The following GFI1 variants were observed in gnomAD, a reference collection of about 807,000 sequenced individuals.
GFI1 encodes zinc finger protein Gfi-1.
In GFI1, 15 loss-of-function variants were observed where a neutral mutation model predicts 39.2. That is an observed-to-expected ratio of 0.38 (90% CI 0.26 to 0.59). The LOEUF (loss-of-function observed/expected upper bound fraction) is 0.59. GFI1 is among the 20% of genes least tolerant of loss of function. The probability of loss-of-function intolerance (pLI) is 0.62; values close to 1 mark genes in which losing one functional copy is unlikely to be tolerated. For missense variants in GFI1, 475 were observed against 574.0 expected (o/e 0.83, Z 1.76); for synonymous variants, 239 against 254.3 (o/e 0.94, Z 0.57).
At chr1:92,483,200 C>G (rs1468107952) in intron 2 of GFI1, among the ~76,000 whole-genome samples, 154 bp from the exon 3 acceptor site, 1 of 152,224 alleles carries the variant, frequency 6.6e-6, no homozygotes, top group Non-Finnish European at 1.5e-5. Flanking sequence ...AGGGCAGGCG[C>G]AGAGAGGCCA....
At chr1:92,476,656 G>T (rs577657872) in intron 6 of GFI1, among the ~76,000 whole-genome samples, 1 of 152,190 alleles carries the variant, frequency 6.6e-6, no homozygotes, top group Non-Finnish European at 1.5e-5. Flanking sequence ...TTCCAAGTGG[G>T]TGTTAGTTTG....
rs991452644 is a variant in GFI1, at chr1:92,486,795, T to C, written c.-169A>G. On this transcript the variant is annotated 5_prime_UTR_variant, in exon 1 of 7. Coordinates refer to ENST00000294702, the MANE Select transcript of GFI1 (RefSeq NM_005263.5). ...AGGTAATGGTTAAATTTGGAAGAGG[T>C]GGGCGAGCGCCGAGCCCCCGGCGGA... 5 of 152,072 alleles carry C rather than the reference T, an allele frequency of 3.3e-5. No individual in the cohort carries two copies. The highest frequency in any genetic ancestry group is 7.4e-5 in the Non-Finnish European group (5 of 67,978). 9.4% of individuals were successfully genotyped at this position (152,072 alleles called of 1,614,324 possible).
Position 92,481,038 on chromosome 1 carries a change from G to A in GFI1, c.349C>T (p.Leu117=). 6.2e-7 allele frequency: 1 copy of A among 1,612,026 alleles called. No homozygotes were observed. The highest frequency in any genetic ancestry group is 8.5e-7 in the Non-Finnish European group (1 of 1,179,198). ...PSLDEAQPFP[L]PFKPYSWSGL... ...CTCCATGAGTACGGTTTGAAAGGCA[G>A]GGGGAAGGGCTGGGCTTCGTCCAGC... The change falls in exon 4 of 7, where the codon CTG becomes TTG. Residue 117 remains leucine (L), a synonymous_variant. Coordinates refer to ENST00000294702, the MANE Select transcript of GFI1 (RefSeq NM_005263.5). The surrounding 1 kb of genome is among the most constrained non-coding windows in gnomAD (Gnocchi z 4.3).
At chr1:92,483,124 C>G (rs1658357290) in intron 2 of GFI1, 78 bp from the exon 3 acceptor site, 2 of 1,332,042 alleles carry the variant, frequency 1.5e-6, no homozygotes, top group South Asian at 1.4e-5. Context: ...CCCAATCCCC[C>G]GACCAGGGCA....
At chr1:92,483,971 G>A in intron 1 of GFI1, 1 of 251,558 alleles carries the variant, frequency 4.0e-6, no homozygotes, top group Non-Finnish European at 8.0e-6. Context: ...CGCCTGCCTG[G>A]CTGTGCTTTA....
rs1298443011 is a variant in GFI1, at chr1:92,481,079, T to C, written c.308A>G (p.Lys103Arg). 1 of 1,611,146 alleles carries C rather than the reference T, an allele frequency of 6.2e-7. No individual in the cohort carries two copies. The highest frequency in any genetic ancestry group is 1.1e-5 in the South Asian group (1 of 90,920). Residue 103 changes from lysine (K) to arginine (R), a missense_variant, in exon 4 of 7, where the codon AAG (lysine) becomes AGG (arginine). Coordinates refer to ENST00000294702, the MANE Select transcript of GFI1 (RefSeq NM_005263.5). The surrounding 1 kb of genome is among the most constrained non-coding windows in gnomAD (Gnocchi z 4.3). ...PSPSASPASE[K>R]SMCPSLDEAQ... ...TTCGTCCAGCGATGGGCACATTGAC[T>C]TCTCCGAGGCTGTGGAGGCACAAGG... is the stretch of plus-strand genomic sequence containing the variant.
At position 92,484,957 on chromosome 1, in the gene GFI1, C is replaced by T. The variant is rs1368245629; in HGVS notation, c.-99-1371G>A. ...CACTGCCGGACTAGGAGCCCCTCGGCTTCCTAGGCAAGATGCAGGCCACAC... is the reference window on the plus strand; with the variant it reads ...CACTGCCGGACTAGGAGCCCCTCGGTTTCCTAGGCAAGATGCAGGCCACAC... On this transcript the variant is annotated intron_variant, in intron 1 of 6. Transcript: ENST00000294702. The surrounding 1 kb of genome is among the most constrained non-coding windows in gnomAD (Gnocchi z 4.1). 6.6e-6 allele frequency among the ~76,000 whole-genome samples: 1 copy of T among 152,246 alleles called. No individual in the cohort carries two copies. The highest frequency in any genetic ancestry group is 1.9e-4 in the East Asian group (1 of 5,194).
Position 92,476,088 on chromosome 1 carries a change from C to G in GFI1, c.1210G>C (p.Gly404Arg). Residue 404 changes from glycine (G) to arginine (R), a missense_variant, in exon 7 of 7, where the codon GGT (glycine) becomes CGT (arginine). Coordinates refer to ENST00000294702, the MANE Select transcript of GFI1 (RefSeq NM_005263.5). Reference sequence around the variant, plus strand: ...CGGAGGTCCACCTTCCTCTGGAAACCCTTCCCACAGAGGTCGCAGCCGAAG... The same window carrying G: ...CGGAGGTCCACCTTCCTCTGGAAACGCTTCCCACAGAGGTCGCAGCCGAAG... ...KPFGCDLCGKGFQRKVDLRRH... is the reference protein window; with the variant it reads ...KPFGCDLCGKRFQRKVDLRRH... 6.2e-7 allele frequency: 1 copy of G among 1,614,144 alleles called. No homozygotes were observed. Among genetic ancestry groups the G allele is most frequent in the Non-Finnish European group, 8.5e-7 (1 of 1,180,018 alleles).
Position 92,482,829 on chromosome 1 carries a change from A to G in GFI1, c.298+35T>C. 6.4e-7 allele frequency: 1 copy of G among 1,573,380 alleles called. No homozygotes were observed. Among genetic ancestry groups the G allele is most frequent in the Non-Finnish European group, 8.7e-7 (1 of 1,143,256 alleles). On this transcript the variant is annotated intron_variant, in intron 3 of 6. Coordinates refer to ENST00000294702, the MANE Select transcript of GFI1 (RefSeq NM_005263.5). This position sits in a 1 kb window ranked among gnomAD's most constrained non-coding sequence, Gnocchi z 4.4. ...CCCCCCAGCACTGCCGGGTCCCTGCAGCTCCCGCCCAAGAGGTTCCCAGTG... is the reference window on the plus strand; with the variant it reads ...CCCCCCAGCACTGCCGGGTCCCTGCGGCTCCCGCCCAAGAGGTTCCCAGTG...
chr1:92,477,398 T>C (rs2101559913), intron 6 of GFI1, among the ~76,000 whole-genome samples: 1 of 152,340 alleles, frequency 6.6e-6, no homozygotes, highest in Non-Finnish European at 1.5e-5. Flanking sequence ...GGGTTTTCAA[T>C]GGAAATATAT....
chr1:92,483,283 G>A, intron 2 of GFI1, 90 bp downstream of exon 2: 2 of 807,102 alleles, frequency 2.5e-6, no homozygotes, highest in Non-Finnish European at 4.2e-6. Flanking sequence ...GGACGTTGGG[G>A]CAGCCCCTCC....
At position 92,484,729 on chromosome 1, in the gene GFI1, C is replaced by A. The variant is rs534636403; in HGVS notation, c.-99-1143G>T. On this transcript the variant is annotated intron_variant, in intron 1 of 6. Coordinates refer to ENST00000294702, the MANE Select transcript of GFI1 (RefSeq NM_005263.5). The surrounding 1 kb of genome is among the most constrained non-coding windows in gnomAD (Gnocchi z 4.1). ...GCTGCGCCTGCCGCTAGGCTCCAGCCGGCTCCGGGGGCGGTACCCCACAGT... is the reference window on the plus strand; with the variant it reads ...GCTGCGCCTGCCGCTAGGCTCCAGCAGGCTCCGGGGGCGGTACCCCACAGT... 6.6e-6 allele frequency: 1 copy of A among 152,494 alleles called. No homozygotes were observed. The highest frequency in any genetic ancestry group is 6.5e-5 in the Admixed American group (1 of 15,288). The allele number at this position is 152,494 out of a possible 1,614,324, so 9.4% of individuals were successfully genotyped here. A position where few individuals can be genotyped will look rare whatever the true frequency, so the allele number is the denominator to read the frequency against.
Position 92,480,393 on chromosome 1 carries a change from G to A in GFI1, c.879C>T (p.Phe293=), listed in dbSNP as rs1658168100. 3 of 1,550,236 alleles carry A rather than the reference G, an allele frequency of 1.9e-6. No individual in the cohort carries two copies. The highest frequency in any genetic ancestry group is 2.0e-5 in the Admixed American group (1 of 50,978). ...GCTGCTCCAGGCTCACCGCGTGCCCGAAGGTCTTGCCGCACATCTCGCAGG... is the reference window on the plus strand; with the variant it reads ...GCTGCTCCAGGCTCACCGCGTGCCCAAAGGTCTTGCCGCACATCTCGCAGG... ...PFACEMCGKT[F]GHAVSLEQHK... is the part of the protein sequence containing the mutation. Residue 293 remains phenylalanine (F), a synonymous_variant, in exon 5 of 7, where the codon TTC becomes TTT. Transcript: ENST00000294702. This position sits in a 1 kb window ranked among gnomAD's most constrained non-coding sequence, Gnocchi z 5.6.
chr1:92,483,214 C>CA, intron 2 of GFI1, among the ~76,000 whole-genome samples, 159 bp downstream of exon 2: 1 of 152,318 alleles, frequency 6.6e-6, no homozygotes, highest in East Asian at 1.9e-4. Context: ...GAGGCCATGG[C>CA]ACCTAGGAGA....
intron 1 of GFI1, among the ~76,000 whole-genome samples, chr1:92,485,612 G>T (rs1202804745): frequency 2.0e-5 from 3 of 152,162 alleles, no homozygotes; most frequent in African/African-American, 7.2e-5. Context: ...AGGCAACCCC[G>T]CGCTGCAGCT....
rs1387897393 is a variant in GFI1 at position 92,482,403 on chromosome 1, G to T, written c.298+461C>A. On this transcript the variant is annotated intron_variant, in intron 3 of 6. Coordinates refer to ENST00000294702, the MANE Select transcript of GFI1 (RefSeq NM_005263.5). The surrounding 1 kb of genome is among the most constrained non-coding windows in gnomAD (Gnocchi z 4.4). ...AATCTGCGCCTGTGAAGACCAAGCCGCGGGCTGAGATTTTCGTCCTGCCCC... is the reference window on the plus strand; with the variant it reads ...AATCTGCGCCTGTGAAGACCAAGCCTCGGGCTGAGATTTTCGTCCTGCCCC... Among the ~76,000 whole-genome samples, 1 of 121,140 alleles carries T rather than the reference G, an allele frequency of 8.3e-6. No homozygotes were observed. Among genetic ancestry groups the T allele is most frequent in the Non-Finnish European group, 1.7e-5 (1 of 59,762 alleles). 79.5% of individuals were successfully genotyped at this position (121,140 alleles called of 152,430 possible). A position where few individuals can be genotyped will look rare whatever the true frequency, so the allele number is the denominator to read the frequency against.
rs1282322460 is a variant in GFI1 at position 92,473,316 on chromosome 1, A to T, written c.*2713T>A. On this transcript the variant is annotated 3_prime_UTR_variant, in exon 7 of 7. Coordinates refer to ENST00000294702, the MANE Select transcript of GFI1 (RefSeq NM_005263.5). Reference sequence around the variant, plus strand: ...AGGACAGCACAGGCACCTAGATTTCAATCAGTTCTACTTACCCCTCAGTGC... The same window carrying T: ...AGGACAGCACAGGCACCTAGATTTCTATCAGTTCTACTTACCCCTCAGTGC... Among the ~76,000 whole-genome samples, 1 of 152,128 alleles carries T rather than the reference A, an allele frequency of 6.6e-6. No homozygotes were observed. The highest frequency in any genetic ancestry group is 1.5e-5 in the Non-Finnish European group (1 of 68,026).
chr1:92,478,652 A>T lies in GFI1; in HGVS notation c.1026T>A (p.Cys342Ter). The change falls in exon 6 of 7, where the codon TGT (cysteine) becomes TGA (stop). Residue 342 changes from cysteine (C) to a stop codon, truncating the protein, a stop_gained. Coordinates refer to ENST00000294702, the MANE Select transcript of GFI1 (RefSeq NM_005263.5). LOFTEE classifies it high-confidence loss of function. ...LIHSDTRPYP[C>*]QYCGKRFHQK... ...GGTGGAACCTCTTGCCACAGTACTG[A>T]CAGGGGTAGGGCCGAGTGTCTGAGT... 6.2e-7 allele frequency: 1 copy of T among 1,613,928 alleles called. No individual in the cohort carries two copies. The highest frequency in any genetic ancestry group is 8.5e-7 in the Non-Finnish European group (1 of 1,179,958).
intron 1 of GFI1, among the ~76,000 whole-genome samples, chr1:92,485,195 TGA>T (rs755850126): frequency 8.6e-5 from 13 of 151,974 alleles, no homozygotes; most frequent in Non-Finnish European, 1.8e-4. Context: ...CCCCTAGGGG[TGA>T]GAGTGCCATC....
Sources: allele counts gnomAD v4.1 joint callset (sites outside exome capture counted in the v4.1 genomes callset), GRCh38; gene constraint gnomAD v4.1.1; non-coding constraint Gnocchi (gnomAD v3.1); transcripts MANE v1.5; gene names NCBI Gene and HGNC (gene_info 2026-07-23, HGNC 2026-07-21).